The following TMPRSS15 variants were observed in gnomAD, a reference collection of about 807,000 sequenced individuals.
The protein encoded by TMPRSS15 is transmembrane serine protease 15.
Under a neutral mutation model 125.3 loss-of-function variants are expected in TMPRSS15, and 128 were observed. That is an observed-to-expected ratio of 1.02 (90% CI 0.89 to 1.18). The LOEUF (loss-of-function observed/expected upper bound fraction) is 1.18. Among genes scored for constraint, TMPRSS15 ranks in the 50% most tolerant of loss-of-function variants. The pLI is 0.00. For synonymous variants in TMPRSS15, 446 were observed against 423.2 expected, an observed-to-expected ratio of 1.05 and a Z score of -0.66; for missense variants, 1,283 against 1,212.7, an observed-to-expected ratio of 1.06 and a Z score of -0.86.
intron 1 of TMPRSS15, among the ~76,000 whole-genome samples, chr21:18,478,057 G>A (rs1041309465): frequency 2.0e-5 from 3 of 152,034 alleles, no homozygotes; most frequent in East Asian, 1.9e-4. Context: ...CCTTGGGTCC[G>A]TAAATGCCCC....
chr21:18,427,818 CTA>C (rs1310482237), intron 1 of TMPRSS15, among the ~76,000 whole-genome samples: 1 of 149,228 alleles, frequency 6.7e-6, no homozygotes, highest in Non-Finnish European at 1.5e-5. Flanking sequence ...GAATTTTCCA[CTA>C]TGTTATTATT....
rs1785907711 is a variant in TMPRSS15 at position 18,353,019 on chromosome 21, C to T, written c.1055G>A (p.Gly352Asp). 1.2e-6 allele frequency: 2 copies of T among 1,610,952 alleles called. No individual in the cohort carries two copies. The highest frequency in any genetic ancestry group is 1.7e-6 in the Non-Finnish European group (2 of 1,178,652). Residue 352 changes from glycine to aspartate, a missense_variant, in exon 10 of 25, where the codon GGC becomes GAC. By Grantham distance (94) the Gly-to-Asp change is moderately conservative. Coordinates refer to ENST00000284885, the MANE Select transcript of TMPRSS15 (RefSeq NM_002772.3). ...TAGATCCTGGACCCAGAAACAAAAG[C>T]CATCCTCAAAGTTACAATTAATTTT... Reference protein sequence around the residue: ...YEKINCNFEDGFCFWVQDLND... With the variant: ...YEKINCNFEDDFCFWVQDLND...
At chr21:18,449,714 G>A (rs2076263289) in intron 1 of TMPRSS15, among the ~76,000 whole-genome samples, 1 of 151,950 alleles carries the variant, frequency 6.6e-6, no homozygotes, top group Non-Finnish European at 1.5e-5. Flanking sequence ...AAACCAAACT[G>A]TCAAAATTGT....
intron 5 of TMPRSS15, among the ~76,000 whole-genome samples, chr21:18,372,800 C>T (rs2075805467): frequency 6.6e-6 from 1 of 152,334 alleles, no homozygotes; most frequent in East Asian, 1.9e-4. Flanking sequence ...TGCGGGGTTT[C>T]ATGCCATCTT....
chr21:18,445,156 A>C (rs979915819), intron 1 of TMPRSS15, among the ~76,000 whole-genome samples: 1 of 151,702 alleles, frequency 6.6e-6, no homozygotes, highest in Non-Finnish European at 1.5e-5. Flanking sequence ...CATTGTATAT[A>C]TATATATACC....
At chr21:18,305,183 C>CTTTTTTTTTTTTTTTTTTTT (rs59103494) in intron 18 of TMPRSS15, among the ~76,000 whole-genome samples, 3 of 86,054 alleles carry the variant, frequency 3.5e-5, no homozygotes, top group African/African-American at 1.3e-4. Context: ...AATTTCCGTA[C>CTTTTTTTTTTTTTTTTTTTT]TTTTTTTTTT....
chr21:18,393,717 C>A (rs1210797302), intron 3 of TMPRSS15, among the ~76,000 whole-genome samples: 2 of 152,118 alleles, frequency 1.3e-5, no homozygotes, highest in African/African-American at 2.4e-5. Flanking sequence ...AGATTTTATA[C>A]CTTAATCATC....
chr21:18,484,030 A>G (rs982979747), intron 1 of TMPRSS15, among the ~76,000 whole-genome samples: 1 of 151,916 alleles, frequency 6.6e-6, no homozygotes, highest in Admixed American at 6.6e-5. Flanking sequence ...CTTTTCCTCA[A>G]AAAGTTACCT....
At chr21:18,302,065 G>A (rs2074978916) in intron 18 of TMPRSS15, among the ~76,000 whole-genome samples, 1 of 152,150 alleles carries the variant, frequency 6.6e-6, no homozygotes, top group Non-Finnish European at 1.5e-5. Flanking sequence ...AATTTGCTGT[G>A]ATAAGAATTC....
chr21:18,382,850 TA>T (rs1434120737), intron 4 of TMPRSS15, among the ~76,000 whole-genome samples: 3 of 152,216 alleles, frequency 2.0e-5, no homozygotes, highest in Non-Finnish European at 4.4e-5. Context: ...GAAGGATAAT[TA>T]GAATGGAAAA....
intron 1 of TMPRSS15, among the ~76,000 whole-genome samples, chr21:18,446,224 A>G (rs2123244229): frequency 6.6e-6 from 1 of 152,352 alleles, no homozygotes; most frequent in African/African-American, 2.4e-5. Flanking sequence ...AAGTAATATA[A>G]AATACCTAGG....
rs375925991 is a variant in TMPRSS15, at chr21:18,297,810, G to A, written c.2185C>T (p.Pro729Ser). The change falls in exon 19 of 25, where the codon CCA becomes TCA. Residue 729 changes from proline to serine, a missense_variant. Physicochemically the swap from Pro to Ser is moderately conservative, Grantham distance 74. Transcript: ENST00000284885. ...LGLGSGNSSK[P>S]IFPTDGGPFV... ...GGTCCACCATCGGTAGGGAAGATTG[G>A]CTTTGATGAGTTTCCACTCCTAGAG... 184 of 1,613,024 alleles carry A rather than the reference G, an allele frequency of 1.1e-4. No individual in the cohort carries two copies. The highest frequency in any genetic ancestry group is 1.5e-4 in the Non-Finnish European group (174 of 1,179,288).
intron 1 of TMPRSS15, among the ~76,000 whole-genome samples, chr21:18,479,648 C>T (rs928012675): frequency 2.0e-5 from 3 of 152,054 alleles, no homozygotes; most frequent in African/African-American, 4.8e-5. Context: ...AGCTCATCAT[C>T]ACTGGTCACT....
At chr21:18,393,419 T>C (rs1010539469) in intron 3 of TMPRSS15, among the ~76,000 whole-genome samples, 3 of 152,138 alleles carry the variant, frequency 2.0e-5, no homozygotes, top group Non-Finnish European at 4.4e-5. Context: ...CACAGCAATA[T>C]TGAAAAAAGA....
chr21:18,472,455 TTATATATATA>T (rs34604020), intron 1 of TMPRSS15, among the ~76,000 whole-genome samples: 1 of 143,138 alleles, frequency 7.0e-6, no homozygotes, highest in Non-Finnish European at 1.5e-5. Context: ...GCTAAAAGAA[TTATATATATA>T]TATATATATA....
In TMPRSS15 at chr21:18,383,705, G is replaced by A; in HGVS notation, c.418C>T (p.Leu140=). Residue 140 remains leucine, a synonymous_variant, in exon 4 of 25, where the codon CTG becomes TTG. Coordinates refer to ENST00000284885, the MANE Select transcript of TMPRSS15 (RefSeq NM_002772.3). The part of the protein sequence containing the change: ...WVSDENVKEE[L]IQGLEANKSS... ...TTATTTGCTTCAAGGCCTTGAATCA[G>A]TTCTTCTTTTACATTTTCATCTGAC... 1 of 1,613,936 alleles carries A rather than the reference G, an allele frequency of 6.2e-7. No individual in the cohort carries two copies. Among genetic ancestry groups the A allele is most frequent in the East Asian group, 2.2e-5 (1 of 44,846 alleles).
intron 1 of TMPRSS15, among the ~76,000 whole-genome samples, chr21:18,431,183 T>C (rs2076215904): frequency 6.6e-6 from 1 of 152,176 alleles, no homozygotes; most frequent in Non-Finnish European, 1.5e-5. Context: ...GAATAAAAAT[T>C]TGTGCTCCAT....
intron 5 of TMPRSS15, among the ~76,000 whole-genome samples, chr21:18,376,839 A>G (rs2075849320): frequency 6.6e-6 from 1 of 152,232 alleles, no homozygotes; most frequent in Non-Finnish European, 1.5e-5. Context: ...ATGATAGAGC[A>G]TAATCCTCAT....
chr21:18,281,742 A>C (rs992361023), intron 21 of TMPRSS15, among the ~76,000 whole-genome samples: 1 of 152,318 alleles, frequency 6.6e-6, no homozygotes, highest in Non-Finnish European at 1.5e-5. Context: ...TAGCAACTGT[A>C]GTATAATGGA....
Sources: allele counts gnomAD v4.1 joint callset (sites outside exome capture counted in the v4.1 genomes callset), GRCh38; gene constraint gnomAD v4.1.1; transcripts MANE v1.5; gene names NCBI Gene and HGNC (gene_info 2026-07-23, HGNC 2026-07-21).